Variants in CCDC6 observed in about 807,000 individuals in gnomAD.
CCDC6 encodes the protein coiled-coil domain containing 6.
Under a neutral mutation model 56.6 loss-of-function variants are expected in CCDC6, and 20 were observed. That is an observed-to-expected ratio of 0.35 (90% CI 0.25 to 0.51). The LOEUF is 0.51. Ranked by LOEUF, CCDC6 falls within the 20% of genes least tolerant of loss-of-function variation. The probability of loss-of-function intolerance (pLI) is 0.95; values close to 1 mark genes in which losing one functional copy is unlikely to be tolerated. For missense variants in CCDC6, 367 were observed against 601.1 expected (o/e 0.61, Z 4.07); for synonymous variants, 241 against 234.4 (o/e 1.03, Z -0.26).
chr10:59,902,240 A>G (rs1386687210), intron 1 of CCDC6, among the ~76,000 whole-genome samples: 9 of 152,198 alleles, frequency 5.9e-5, no homozygotes. Flanking sequence ...AGCCGCTTAC[A>G]TACCAGAAGA....
At chr10:59,869,853 G>A (rs1012718645) in intron 1 of CCDC6, among the ~76,000 whole-genome samples, 2 of 151,934 alleles carry the variant, frequency 1.3e-5, no homozygotes, top group African/African-American at 2.4e-5. Context: ...CGACACCCAC[G>A]ACACTCCAGC....
chr10:59,842,187 G>T (rs562693376), intron 2 of CCDC6, among the ~76,000 whole-genome samples: 1 of 151,816 alleles, frequency 6.6e-6, no homozygotes. Context: ...GACTACAGGC[G>T]TGCACCATCA....
At chr10:59,828,439 C>T (rs1368836989) in intron 3 of CCDC6, among the ~76,000 whole-genome samples, 1 of 152,036 alleles carries the variant, frequency 6.6e-6, no homozygotes, top group Non-Finnish European at 1.5e-5. Context: ...AAATAAATGC[C>T]AAAAAGGTAA....
In CCDC6 at chr10:59,791,208, T is replaced by C. The variant is rs1247169577; in HGVS notation, c.*1709A>G. Reference sequence around the variant, plus strand: ...GATTATGTATATTACACATACATTATAAATAAAATTTATATAGACCTACAG... The same window carrying C: ...GATTATGTATATTACACATACATTACAAATAAAATTTATATAGACCTACAG... On this transcript the variant is annotated 3_prime_UTR_variant, in exon 9 of 9. Transcript: ENST00000263102. The C allele has an allele frequency of 5.1e-6, 1 of 194,892 alleles. No individual in the cohort carries two copies. Among genetic ancestry groups the C allele is most frequent in the Admixed American group, 6.1e-5 (1 of 16,440 alleles). 12.1% of individuals were successfully genotyped at this position (194,892 alleles called of 1,614,324 possible).
chr10:59,796,949 C>T (rs78720226), intron 7 of CCDC6, among the ~76,000 whole-genome samples: 30,499 of 140,844 alleles, frequency 0.22, 3,674 homozygotes, highest in Middle Eastern at 0.3. Context: ...CCAGCCTGGG[C>T]GACAGAGCCA....
At chr10:59,898,911 G>C (rs570111751) in intron 1 of CCDC6, among the ~76,000 whole-genome samples, 17 of 152,200 alleles carry the variant, frequency 1.1e-4, no homozygotes, top group Non-Finnish European at 2.2e-4. Context: ...GTCTGATCCA[G>C]GAACCAATAA....
chr10:59,853,624 A>T (rs1455370169), intron 1 of CCDC6, among the ~76,000 whole-genome samples: 1 of 152,190 alleles, frequency 6.6e-6, no homozygotes, highest in African/African-American at 2.4e-5. Flanking sequence ...AGAAAAAAAA[A>T]ATTGCACCAA....
chr10:59,859,668 T>C lies in CCDC6; in HGVS notation c.304-6966A>G, dbSNP rs530477317. On this transcript the variant is annotated intron_variant, in intron 1 of 8. Transcript: ENST00000263102. ...AAATGAGAAAGATTATCAAAGCACA[T>C]AGGAAGGAAAATGAAAAGATTTAAT... 2.6e-5 allele frequency among the ~76,000 whole-genome samples: 4 copies of C among 151,734 alleles called. 1 individual carries two copies. Among genetic ancestry groups the C allele is most frequent in the African/African-American group, 7.3e-5 (3 of 41,350 alleles).
intron 3 of CCDC6, among the ~76,000 whole-genome samples, chr10:59,829,143 T>C (rs1039201868): frequency 6.6e-6 from 1 of 152,192 alleles, no homozygotes; most frequent in East Asian, 1.9e-4. Flanking sequence ...CCTGCTGACA[T>C]GTGAGTTAAC....
intron 1 of CCDC6, among the ~76,000 whole-genome samples, chr10:59,883,898 A>C (rs941000341): frequency 6.6e-6 from 1 of 152,238 alleles, no homozygotes; most frequent in African/African-American, 2.4e-5. Flanking sequence ...CAAGTTTGAC[A>C]GAAAGCCTCA....
rs186923800 is a variant in CCDC6, at chr10:59,823,065, C to A, written c.583-8310G>T. ...CCTGCCCCATCCCCTTTTCAGCTCC[C>A]CTTCCAGCTAAGAGCCACTTTCATC... is the stretch of plus-strand genomic sequence containing the variant. On this transcript the variant is annotated intron_variant, in intron 3 of 8. Transcript: ENST00000263102. Among the ~76,000 whole-genome samples, 4 of 152,258 alleles carry A rather than the reference C, an allele frequency of 2.6e-5. No individual in the cohort carries two copies. In the East Asian group the frequency reaches 7.7e-4, roughly 29 times the overall value.
At chr10:59,798,844 C>T (rs146263737) in intron 7 of CCDC6, among the ~76,000 whole-genome samples, 175 of 140,662 alleles carry the variant, frequency 1.2e-3, no homozygotes, top group African/African-American at 4.7e-3. Context: ...AATACAAAAA[C>T]TAGGTGGGCG....
chr10:59,834,041 C>G (rs962055730), intron 2 of CCDC6, among the ~76,000 whole-genome samples: 1 of 152,080 alleles, frequency 6.6e-6, no homozygotes, highest in Non-Finnish European at 1.5e-5. Flanking sequence ...ACCTGGAAAG[C>G]CAAATGATTA....
chr10:59,800,612 GTTTT>G (rs34676439), intron 7 of CCDC6, among the ~76,000 whole-genome samples: 10 of 145,190 alleles, frequency 6.9e-5, no homozygotes, highest in African/African-American at 2.5e-4. Flanking sequence ...TTGTATTAAA[GTTTT>G]TTTTTTTTTT....
intron 1 of CCDC6, among the ~76,000 whole-genome samples, chr10:59,871,060 C>T (rs909855191): frequency 6.6e-6 from 1 of 151,998 alleles, no homozygotes; most frequent in Non-Finnish European, 1.5e-5. Context: ...ATTGGAGAGG[C>T]AAAATGCTAA....
At chr10:59,843,222 A>C (rs1019918193) in intron 2 of CCDC6, among the ~76,000 whole-genome samples, 3 of 152,222 alleles carry the variant, frequency 2.0e-5, no homozygotes, top group African/African-American at 7.2e-5. Flanking sequence ...TGTTTGGTAC[A>C]ACTCTCAATG....
At position 59,868,012 on chromosome 10, in the gene CCDC6, C is replaced by G. The variant is rs527346837; in HGVS notation, c.304-15310G>C. ...GTGTACCACAAACAAGCTGTACCAC[C>G]TTGAGCACATGTCATCAGGACCTCC... On this transcript the variant is annotated intron_variant, in intron 1 of 8. Transcript: ENST00000263102. Among the ~76,000 whole-genome samples the G allele has an allele frequency of 4.6e-5, 7 of 152,326 alleles. No individual in the cohort carries two copies. The South Asian group carries it at 1.0e-3, about 23-fold the overall frequency.
chr10:59,852,418 G>T, intron 2 of CCDC6, 135 bp downstream of exon 2: 1 of 643,156 alleles, frequency 1.6e-6, no homozygotes, highest in Non-Finnish European at 2.5e-6. Context: ...ACCCTTACCT[G>T]GTATTTTGAA....
chr10:59,894,237 T>C (rs542582943), intron 1 of CCDC6, among the ~76,000 whole-genome samples: 8 of 152,234 alleles, frequency 5.3e-5, no homozygotes, highest in African/African-American at 1.9e-4. Context: ...CCTTCTGTAG[T>C]GAGCTCCTGA....
Sources: allele counts gnomAD v4.1 joint callset (sites outside exome capture counted in the v4.1 genomes callset), GRCh38; gene constraint gnomAD v4.1.1; transcripts MANE v1.5; gene names NCBI Gene and HGNC (gene_info 2026-07-23, HGNC 2026-07-21).